FHIT: variants seen among roughly 807,000 people sequenced by gnomAD.
FHIT encodes the protein fragile histidine triad diadenosine triphosphatase, also known as bis(5'-adenosyl)-triphosphatase.
Under a neutral mutation model 17.9 loss-of-function variants are expected in FHIT, and 19 were observed. That is an observed-to-expected ratio of 1.06 (90% confidence interval 0.74 to 1.56). The LOEUF is 1.56. FHIT is among the 40% of genes most tolerant of loss of function. FHIT has a pLI of 0.00. For synonymous variants in FHIT, 81 were observed against 69.7 expected (o/e 1.16, Z -0.81); for missense variants, 248 against 189.2 (o/e 1.31, Z -1.82).
intron 4 of FHIT, among the ~76,000 whole-genome samples, chr3:60,765,301 A>G (rs533870900): frequency 6.6e-6 from 1 of 152,214 alleles, no homozygotes; most frequent in African/African-American, 2.4e-5. Context: ...GAGTTTAGAC[A>G]CCAAGAGACT....
At chr3:60,551,830 G>A (rs1312786570) in intron 4 of FHIT, among the ~76,000 whole-genome samples, 1 of 151,300 alleles carries the variant, frequency 6.6e-6, no homozygotes, top group Non-Finnish European at 1.5e-5. Flanking sequence ...TAAGACTTTT[G>A]AAAAGTGACA....
At chr3:60,467,741 G>A (rs375957403) in intron 5 of FHIT, among the ~76,000 whole-genome samples, 1 of 151,904 alleles carries the variant, frequency 6.6e-6, no homozygotes, top group East Asian at 1.9e-4. Context: ...CTGAAATATG[G>A]TCTTTCCTCG....
At chr3:61,197,573 C>T (rs2038888017) in intron 2 of FHIT, among the ~76,000 whole-genome samples, 2 of 152,328 alleles carry the variant, frequency 1.3e-5, no homozygotes, top group African/African-American at 4.8e-5. Flanking sequence ...ATTCCATTCT[C>T]ATTCTACATT....
intron 5 of FHIT, among the ~76,000 whole-genome samples, chr3:60,372,625 T>G (rs1700375857): frequency 6.6e-6 from 1 of 152,174 alleles, no homozygotes; most frequent in Non-Finnish European, 1.5e-5. Context: ...CGAAAGCTCT[T>G]TACTTCCTGA....
At chr3:59,911,437 G>A (rs1007893856) in intron 8 of FHIT, among the ~76,000 whole-genome samples, 3 of 152,154 alleles carry the variant, frequency 2.0e-5, no homozygotes, top group South Asian at 2.1e-4. Context: ...ATTTTGGATT[G>A]TCTATCTTGG....
At chr3:60,963,573 A>G (rs944987859) in intron 3 of FHIT, among the ~76,000 whole-genome samples, 10 of 152,304 alleles carry the variant, frequency 6.6e-5, no homozygotes, top group Non-Finnish European at 1.2e-4. Flanking sequence ...ATTTAGTGCT[A>G]TAAATTTCCC....
chr3:60,525,555 C>G (rs376538437), intron 5 of FHIT, among the ~76,000 whole-genome samples: 226 of 152,256 alleles, frequency 1.5e-3, no homozygotes, highest in African/African-American at 5.2e-3. Context: ...TTTCCAGCCA[C>G]CCTATGTTGA....
chr3:60,600,912 T>C (rs1553668565), intron 4 of FHIT, among the ~76,000 whole-genome samples: 1 of 152,168 alleles, frequency 6.6e-6, no homozygotes, highest in East Asian at 1.9e-4. Context: ...GCAACAGCCC[T>C]GCACCAAGCA....
intron 5 of FHIT, among the ~76,000 whole-genome samples, chr3:60,494,824 T>C (rs947304900): frequency 6.6e-6 from 1 of 152,232 alleles, no homozygotes; most frequent in African/African-American, 2.4e-5. Context: ...TTTTTGTGGA[T>C]AAATAGTACT....
At chr3:60,349,955 T>G (rs1028936296) in intron 5 of FHIT, among the ~76,000 whole-genome samples, 1 of 152,210 alleles carries the variant, frequency 6.6e-6, no homozygotes, top group Non-Finnish European at 1.5e-5. Context: ...TTCTCTTGTC[T>G]ATCTGGCTGG....
chr3:60,600,011 G>A (rs1267502059), intron 4 of FHIT, among the ~76,000 whole-genome samples: 1 of 152,114 alleles, frequency 6.6e-6, no homozygotes, highest in Non-Finnish European at 1.5e-5. Context: ...AATGTGTTCA[G>A]ATGGGGAAAG....
intron 3 of FHIT, among the ~76,000 whole-genome samples, chr3:60,844,956 A>AT (rs1347457983): frequency 2.0e-5 from 3 of 151,938 alleles, no homozygotes; most frequent in African/African-American, 7.2e-5. Context: ...GATCTGCTGG[A>AT]TTTTTTCTGA....
intron 4 of FHIT, among the ~76,000 whole-genome samples, chr3:60,571,430 T>C (rs186621132): frequency 1.3e-5 from 2 of 148,974 alleles, no homozygotes; most frequent in East Asian, 2.0e-4. Context: ...GGGAAAAAGA[T>C]TAATTAATAT....
At chr3:60,021,217 A>T (rs114782469) in intron 5 of FHIT, among the ~76,000 whole-genome samples, 2,259 of 152,294 alleles carry the variant, frequency 0.015, 47 homozygotes, top group African/African-American at 0.051. Context: ...GCTTTGGGTC[A>T]GAGATATGAT....
At chr3:60,114,489 C>CTTTTTTTTTTT (rs1576129465) in intron 5 of FHIT, among the ~76,000 whole-genome samples, 14 of 61,598 alleles carry the variant, frequency 2.3e-4, no homozygotes, top group South Asian at 8.2e-4. Context: ...AAGAGAAATC[C>CTTTTTTTTTTT]TTTTTTTTTT....
chr3:60,293,565 C>T (rs965109122), intron 5 of FHIT, among the ~76,000 whole-genome samples: 2 of 152,120 alleles, frequency 1.3e-5, no homozygotes, highest in East Asian at 1.9e-4. Flanking sequence ...TAACTATATG[C>T]TTTCTTCCAC....
intron 5 of FHIT, among the ~76,000 whole-genome samples, chr3:60,405,829 G>A (rs1214888271): frequency 6.6e-6 from 1 of 152,186 alleles, no homozygotes; most frequent in South Asian, 2.1e-4. Flanking sequence ...GACATCAACT[G>A]TGCTATGCTT....
intron 3 of FHIT, among the ~76,000 whole-genome samples, chr3:60,930,375 T>C (rs1707885317): frequency 6.6e-6 from 1 of 152,112 alleles, no homozygotes. Context: ...TGGGATCTAA[T>C]TAAAATAAAG....
At chr3:60,482,758 A>T (rs2033667018) in intron 5 of FHIT, among the ~76,000 whole-genome samples, 1 of 152,096 alleles carries the variant, frequency 6.6e-6, no homozygotes, top group African/African-American at 2.4e-5. Flanking sequence ...CTAACATCAC[A>T]ATTAAAAGAG....
Sources: gnomAD v4.1 joint callset for allele counts (sites outside exome capture counted in the v4.1 genomes callset) on GRCh38, gnomAD v4.1.1 for gene constraint, MANE v1.5 for transcripts, NCBI Gene and HGNC (gene_info 2026-07-23, HGNC 2026-07-21) for gene names.